The following ZFHX3 variants were observed in gnomAD, a reference collection of about 807,000 sequenced individuals.
ZFHX3 encodes zinc finger homeobox 3, also known as zinc finger homeobox protein 3.
In ZFHX3, 42 loss-of-function variants were observed where a neutral mutation model predicts 279.1. That is an observed-to-expected ratio of 0.15 (90% confidence interval 0.12 to 0.19). The LOEUF is 0.19. ZFHX3 is among the 10% of genes least tolerant of loss of function. ZFHX3 has a pLI of 1.00. For synonymous variants in ZFHX3, 2,293 were observed against 1,957.8 expected (o/e 1.17, Z -4.52); for missense variants, 4,981 against 4,754.0 (o/e 1.05, Z -1.40).
At position 72,897,028 on chromosome 16, in the gene ZFHX3, T is replaced by C. The variant is rs181565366; in HGVS notation, c.3217-7066A>G. On this transcript the variant is annotated intron_variant, in intron 3 of 9. Coordinates refer to ENST00000268489, the MANE Select transcript of ZFHX3 (RefSeq NM_006885.4). ...GCAGCCCCTCTGAGCCAGGGGGCTATTCCAGGAGATGCGAGGTGCTTCCTG... is the reference window on the plus strand; with the variant it reads ...GCAGCCCCTCTGAGCCAGGGGGCTACTCCAGGAGATGCGAGGTGCTTCCTG... Among the ~76,000 whole-genome samples the C allele has an allele frequency of 6.3e-4, 96 of 152,320 alleles. No homozygotes were observed. The Middle Eastern group carries it at 0.014, about 22-fold the overall frequency.
intron 2 of ZFHX3, among the ~76,000 whole-genome samples, chr16:73,656,082 G>A (rs1186747103): frequency 6.6e-6 from 1 of 152,162 alleles, no homozygotes; most frequent in African/African-American, 2.4e-5. Context: ...TGAATCAGGG[G>A]TTGGCAAACT....
chr16:73,065,948 A>T (rs1965746277), intron 8 of ZFHX3, among the ~76,000 whole-genome samples: 1 of 152,216 alleles, frequency 6.6e-6, no homozygotes, highest in Non-Finnish European at 1.5e-5. Flanking sequence ...ATGACACGAA[A>T]TTTGGAGCCC....
At chr16:73,155,957 G>A (rs1465906391) in intron 5 of ZFHX3, among the ~76,000 whole-genome samples, 1 of 151,980 alleles carries the variant, frequency 6.6e-6, no homozygotes, top group Non-Finnish European at 1.5e-5. Context: ...AAGTGGTCGG[G>A]TGTGGTAGCT....
intron 1 of ZFHX3, among the ~76,000 whole-genome samples, chr16:73,721,407 C>A (rs1174381200): frequency 6.6e-6 from 1 of 152,208 alleles, no homozygotes; most frequent in Non-Finnish European, 1.5e-5. Flanking sequence ...CAGGTGTGAG[C>A]CACCCAGCCT....
chr16:73,742,136 A>G (rs570635656), intron 1 of ZFHX3, among the ~76,000 whole-genome samples: 1 of 152,356 alleles, frequency 6.6e-6, no homozygotes, highest in South Asian at 2.1e-4. Flanking sequence ...CCTCATTGAA[A>G]TATTTGAAGA....
chr16:73,059,217 A>AT (rs1965641904), exon 1 of ZFHX3: 1 of 14,958 alleles, frequency 6.7e-5, no homozygotes, highest in Non-Finnish European at 1.8e-4. Context: ...GGAAGGGAGG[A>AT]AAAAAAAAAA....
intron 2 of ZFHX3, among the ~76,000 whole-genome samples, chr16:72,952,319 G>A (rs532512772): frequency 1.2e-4 from 18 of 152,256 alleles, no homozygotes; most frequent in East Asian, 3.9e-4. Context: ...TATCCCTCCC[G>A]TCAGTCAATG....
At position 72,787,885 on chromosome 16, in the gene ZFHX3, T is replaced by G. The variant is rs1361795219; in HGVS notation, c.10391A>C (p.Lys3464Thr). 4.3e-6 allele frequency: 7 copies of G among 1,613,834 alleles called. No individual in the cohort carries two copies. The African/African-American group carries it at 9.3e-5, about 22-fold the overall frequency. Residue 3464 changes from lysine (K) to threonine (T), a missense_variant, in exon 10 of 10, where the codon AAG (lysine) becomes ACG (threonine). Lys to Thr is a moderately conservative substitution (Grantham distance 78). Around this residue, in one of 7 missense-constraint regions of ZFHX3, gnomAD observed 1,034 missense variants for 786.0 expected, o/e 1.32. Coordinates refer to ENST00000268489, the MANE Select transcript of ZFHX3 (RefSeq NM_006885.4). ...DPFIVPKVQYKLVCRKCQAGF... is the reference protein window; with the variant it reads ...DPFIVPKVQYTLVCRKCQAGF... Reference sequence around the variant, plus strand: ...CGCCTGGCACTTGCGGCAGACCAACTTGTACTGCACCTTTGGAACAATGAA... The same window carrying G: ...CGCCTGGCACTTGCGGCAGACCAACGTGTACTGCACCTTTGGAACAATGAA...
chr16:73,718,448 A>G (rs1396759995), intron 1 of ZFHX3, among the ~76,000 whole-genome samples: 1 of 151,890 alleles, frequency 6.6e-6, no homozygotes, highest in Non-Finnish European at 1.5e-5. Context: ...ACAAGCACAC[A>G]AGTCTCTCCC....
chr16:72,796,148 C>T lies in ZFHX3; in HGVS notation c.6534G>A (p.Met2178Ile). Residue 2178 changes from methionine (M) to isoleucine (I), a missense_variant, in exon 9 of 10, where the codon ATG (methionine) becomes ATA (isoleucine). This residue lies in a region of ZFHX3 where 177 missense variants were observed against 244.2 expected (regional missense o/e 0.72). Transcript: ENST00000268489. ...TCTGGGGCAACCCGGACTTGTCTGCCATCTCTTTTATTTGCTCTTCACTGG... is the reference window on the plus strand; with the variant it reads ...TCTGGGGCAACCCGGACTTGTCTGCTATCTCTTTTATTTGCTCTTCACTGG... ...NSPSEEQIKE[M>I]ADKSGLPQKV... 1 of 1,614,172 alleles carries T rather than the reference C, an allele frequency of 6.2e-7. No individual in the cohort carries two copies. The highest frequency in any genetic ancestry group is 1.1e-5 in the South Asian group (1 of 91,080).
intron 1 of ZFHX3, among the ~76,000 whole-genome samples, chr16:73,797,807 CTT>C (rs35369374): frequency 0.016 from 1,329 of 82,862 alleles, 3 homozygotes; most frequent in African/African-American, 0.043. Context: ...CTTCTGAAGA[CTT>C]TTTTTTTTTT....
At chr16:73,040,580 C>T (rs897591676) in intron 1 of ZFHX3, among the ~76,000 whole-genome samples, 3 of 152,120 alleles carry the variant, frequency 2.0e-5, no homozygotes, top group Admixed American at 6.5e-5. Flanking sequence ...ATGGGGGACA[C>T]TGTAACTATT....
Position 73,798,542 on chromosome 16 carries a change from C to CA in ZFHX3, c.-1608+93108dup, listed in dbSNP as rs573561784. ...TGATCTGTAAATTCTCCCGTCTTCC[C>CA]AAAGCTTCAGTGCAATCTACACACA... On this transcript the variant is annotated intron_variant, in intron 1 of 17. Coordinates refer to the ZFHX3 transcript ENST00000641206. Among the ~76,000 whole-genome samples the CA allele has an allele frequency of 2.3e-3, 349 of 151,468 alleles. 1 individual carries two copies. Among genetic ancestry groups the CA allele is most frequent in the Non-Finnish European group, 3.7e-3 (253 of 67,844 alleles).
intron 3 of ZFHX3, among the ~76,000 whole-genome samples, chr16:72,921,622 G>A (rs547558516): frequency 2.6e-5 from 4 of 152,336 alleles, no homozygotes; most frequent in South Asian, 2.1e-4. Flanking sequence ...GACAGTTGGC[G>A]TGGCCTCGCC....
chr16:73,771,662 T>G, intron 1 of ZFHX3, among the ~76,000 whole-genome samples: 1 of 152,172 alleles, frequency 6.6e-6, no homozygotes, highest in East Asian at 1.9e-4. Context: ...TCATTTCCAT[T>G]ACTATCTCAC....
intron 1 of ZFHX3, among the ~76,000 whole-genome samples, chr16:73,874,950 AG>A (rs1449967440): frequency 6.6e-6 from 1 of 152,240 alleles, no homozygotes; most frequent in Non-Finnish European, 1.5e-5. Flanking sequence ...ATATACATAC[AG>A]TTGGCAACAG....
chr16:72,843,871 CACAAA>C (rs1229409675), intron 4 of ZFHX3, among the ~76,000 whole-genome samples: 1 of 152,190 alleles, frequency 6.6e-6, no homozygotes, highest in African/African-American at 2.4e-5. Context: ...CCCCACGATA[CACAAA>C]ACAAAACCAG....
chr16:73,129,714 A>ATGTG (rs34767541), intron 7 of ZFHX3, among the ~76,000 whole-genome samples: 3,753 of 147,562 alleles, frequency 0.025, 93 homozygotes, highest in African/African-American at 0.058. Context: ...GTGCATGTGT[A>ATGTG]TGTGTGTGTG....
At chr16:73,316,101 G>A (rs536840895) in intron 4 of ZFHX3, among the ~76,000 whole-genome samples, 1 of 152,224 alleles carries the variant, frequency 6.6e-6, no homozygotes, top group African/African-American at 2.4e-5. Flanking sequence ...CACAAAGAAG[G>A]TGATACCACA....
Sources: gnomAD v4.1 joint callset for allele counts (sites outside exome capture counted in the v4.1 genomes callset) on GRCh38, gnomAD v4.1.1 for gene constraint, gnomAD v4.1.1 regional missense constraint, MANE v1.5 for transcripts, NCBI Gene and HGNC (gene_info 2026-07-23, HGNC 2026-07-21) for gene names.